Variants in COL5A2 observed in about 807,000 individuals in gnomAD.
COL5A2 encodes the protein collagen type V alpha 2 chain.
COL5A2 carries 23 observed loss-of-function variants against 208.2 expected under a neutral mutation model. The ratio of observed to expected loss-of-function variants is 0.11; its 90% CI spans 0.08 to 0.16. The LOEUF is 0.16. COL5A2 is among the 10% of genes least tolerant of loss of function. COL5A2 has a pLI of 1.00. For missense variants in COL5A2, 1,590 were observed against 1,956.4 expected (o/e 0.81, Z 3.53); for synonymous variants, 625 against 628.5 (o/e 0.99, Z 0.08).
chr2:189,281,153 A>G, the COL5A2 span, among the ~76,000 whole-genome samples: 5,897 of 152,222 alleles, frequency 0.039, 130 homozygotes, highest in Admixed American at 0.052. Flanking sequence ...GATTGTCAGA[A>G]TGGATTTTTT....
the COL5A2 span, among the ~76,000 whole-genome samples, chr2:189,416,164 G>A: frequency 5.9e-5 from 9 of 152,068 alleles, no homozygotes; most frequent in Admixed American, 5.9e-4. Flanking sequence ...GATTCCTCAG[G>A]GATCTAGAAC....
chr2:189,138,534 G>T (rs901268908), intron 1 of COL5A2, among the ~76,000 whole-genome samples: 4 of 152,102 alleles, frequency 2.6e-5, no homozygotes, highest in Non-Finnish European at 5.9e-5. Context: ...TCAGCTGACA[G>T]AACACAGAAG....
At chr2:189,342,989 G>T in the COL5A2 span, among the ~76,000 whole-genome samples, 1 of 151,980 alleles carries the variant, frequency 6.6e-6, no homozygotes, top group Non-Finnish European at 1.5e-5. Context: ...CTTTAACTAT[G>T]AGCAATGTTA....
At chr2:189,297,277 C>A in the COL5A2 span, among the ~76,000 whole-genome samples, 2 of 152,136 alleles carry the variant, frequency 1.3e-5, no homozygotes, top group African/African-American at 4.8e-5. Context: ...CTATTTATTT[C>A]TAATTTTATT....
chr2:189,274,306 A>G, the COL5A2 span, among the ~76,000 whole-genome samples: 21 of 152,310 alleles, frequency 1.4e-4, no homozygotes, highest in Admixed American at 1.3e-3. Context: ...AAATCCATTT[A>G]TAGCAAGTAT....
At chr2:189,050,532 C>G in intron 43 of COL5A2, 37 bp downstream of exon 43, 1 of 1,429,344 alleles carries the variant, frequency 7.0e-7, no homozygotes, top group Non-Finnish European at 9.7e-7. Flanking sequence ...TTGTATTGCA[C>G]ATATGAGATA....
At chr2:189,088,299 A>G (rs1686707962) in intron 8 of COL5A2, among the ~76,000 whole-genome samples, 1 of 152,226 alleles carries the variant, frequency 6.6e-6, no homozygotes, top group Non-Finnish European at 1.5e-5. Flanking sequence ...AATAATAAAA[A>G]TGAAAATAGC....
chr2:189,354,758 AT>A, the COL5A2 span, among the ~76,000 whole-genome samples: 1 of 151,568 alleles, frequency 6.6e-6, no homozygotes, highest in Non-Finnish European at 1.5e-5. Context: ...TTTTTGAAGG[AT>A]TTTTTGTGTC....
chr2:189,264,624 G>T, the COL5A2 span, among the ~76,000 whole-genome samples: 9 of 151,916 alleles, frequency 5.9e-5, no homozygotes, highest in Non-Finnish European at 1.2e-4. Flanking sequence ...GTATAATCAC[G>T]AATAGCTTCA....
At chr2:189,400,596 A>G in the COL5A2 span, among the ~76,000 whole-genome samples, 1 of 152,168 alleles carries the variant, frequency 6.6e-6, no homozygotes, top group African/African-American at 2.4e-5. Context: ...GTGTATTTCT[A>G]TCATTCTTTT....
At chr2:189,203,436 T>C (rs993286718) in intron 1 of COL5A2, among the ~76,000 whole-genome samples, 2 of 152,244 alleles carry the variant, frequency 1.3e-5, no homozygotes, top group African/African-American at 4.8e-5. Flanking sequence ...CAGAATACTT[T>C]AGTGTTTCTA....
intron 1 of COL5A2, among the ~76,000 whole-genome samples, chr2:189,196,015 A>G (rs1038097422): frequency 6.6e-6 from 1 of 152,212 alleles, no homozygotes; most frequent in African/African-American, 2.4e-5. Flanking sequence ...CAGAGTGAAC[A>G]GGCAATCTAC....
At chr2:189,146,738 T>C (rs899672102) in intron 1 of COL5A2, among the ~76,000 whole-genome samples, 1 of 152,124 alleles carries the variant, frequency 6.6e-6, no homozygotes, top group African/African-American at 2.4e-5. Context: ...AAGCCCAAGA[T>C]GAATTTTTTG....
the COL5A2 span, among the ~76,000 whole-genome samples, chr2:189,352,583 G>C: frequency 6.6e-6 from 1 of 152,080 alleles, no homozygotes; most frequent in South Asian, 2.1e-4. Context: ...TTTGTTGGCC[G>C]CATAAATGTC....
At chr2:189,159,809 C>T (rs1375775747) in intron 1 of COL5A2, among the ~76,000 whole-genome samples, 3 of 152,006 alleles carry the variant, frequency 2.0e-5, no homozygotes, top group African/African-American at 4.8e-5. Context: ...ATCACTTTAA[C>T]CCAAGAGGCA....
intron 38 of COL5A2, among the ~76,000 whole-genome samples, 175 bp downstream of exon 38, chr2:189,053,249 C>G (rs1685829793): frequency 6.6e-6 from 1 of 152,122 alleles, no homozygotes; most frequent in African/African-American, 2.4e-5. Context: ...AGAAGCTCAA[C>G]TAGCACAAAC....
the COL5A2 span, among the ~76,000 whole-genome samples, chr2:189,304,574 A>G: frequency 6.6e-6 from 1 of 152,114 alleles, no homozygotes; most frequent in African/African-American, 2.4e-5. Flanking sequence ...AAGGTGCCAC[A>G]CTTTAAAACA....
At chr2:189,371,408 G>A in the COL5A2 span, among the ~76,000 whole-genome samples, 1 of 152,138 alleles carries the variant, frequency 6.6e-6, no homozygotes, top group African/African-American at 2.4e-5. Flanking sequence ...GAGTTTTGAG[G>A]TCTCAGAAAA....
chr2:189,245,788 T>A, the COL5A2 span, among the ~76,000 whole-genome samples: 1 of 152,226 alleles, frequency 6.6e-6, no homozygotes, highest in African/African-American at 2.4e-5. Context: ...GGGAGATTTT[T>A]AAAATCCATT....
Sources: allele counts gnomAD v4.1 joint callset (sites outside exome capture counted in the v4.1 genomes callset), GRCh38; gene constraint gnomAD v4.1.1; transcripts MANE v1.5; gene names NCBI Gene and HGNC (gene_info 2026-07-23, HGNC 2026-07-21).